SYN3: variants seen among roughly 807,000 people sequenced by gnomAD.
SYN3 encodes synapsin III.
Under a neutral mutation model 65.8 loss-of-function variants are expected in SYN3, and 35 were observed. That is an observed-to-expected ratio of 0.53 (90% CI 0.41 to 0.70). The LOEUF (loss-of-function observed/expected upper bound fraction) is 0.70. Among genes scored for constraint, SYN3 ranks in the 30% least tolerant of loss-of-function variants. The probability of loss-of-function intolerance (pLI) is 0.00; values close to 1 mark genes in which losing one functional copy is unlikely to be tolerated. For synonymous variants in SYN3, 270 were observed against 292.9 expected (o/e 0.92, Z 0.80); for missense variants, 680 against 749.0 (o/e 0.91, Z 1.08).
chr22:32,635,797 A>G (rs1027400384), intron 6 of SYN3, among the ~76,000 whole-genome samples: 1 of 152,206 alleles, frequency 6.6e-6, no homozygotes, highest in African/African-American at 2.4e-5. Flanking sequence ...AAATTTCCCG[A>G]ATCTCCCAAA....
At chr22:32,731,001 G>A (rs1196346637) in intron 6 of SYN3, among the ~76,000 whole-genome samples, 1 of 152,066 alleles carries the variant, frequency 6.6e-6, no homozygotes, top group Non-Finnish European at 1.5e-5. Flanking sequence ...CAGATTGCAC[G>A]GTCCCAGAGT....
intron 6 of SYN3, among the ~76,000 whole-genome samples, chr22:32,694,083 T>G (rs1014701443): frequency 2.6e-5 from 4 of 152,000 alleles, no homozygotes; most frequent in Non-Finnish European, 5.9e-5. Context: ...AGCTATTTAT[T>G]TATTTATTTA....
At chr22:32,878,579 C>T (rs1321538797) in intron 4 of SYN3, among the ~76,000 whole-genome samples, 1 of 152,182 alleles carries the variant, frequency 6.6e-6, no homozygotes, top group Non-Finnish European at 1.5e-5. Context: ...AAGCAGGTAC[C>T]ACCATGGTTG....
At chr22:32,819,345 G>A (rs1303461514) in intron 6 of SYN3, among the ~76,000 whole-genome samples, 1 of 152,224 alleles carries the variant, frequency 6.6e-6, no homozygotes, top group Non-Finnish European at 1.5e-5. Flanking sequence ...TGCTGGTGAG[G>A]TCCTGCGGTC....
At position 32,855,669 on chromosome 22, in the gene SYN3, C is replaced by T. The variant is rs895009016; in HGVS notation, c.711+9246G>A. 5.3e-5 allele frequency among the ~76,000 whole-genome samples: 8 copies of T among 152,162 alleles called. No individual in the cohort carries two copies. In the East Asian group the frequency reaches 5.8e-4, roughly 11 times the overall value. On this transcript the variant is annotated intron_variant, in intron 6 of 13. Coordinates refer to ENST00000358763, the MANE Select transcript of SYN3 (RefSeq NM_003490.4). ...CCTCAGTACCATTGACATTTGGGGC[C>T]GGATAATTCTTTGTTCTGGGGGCTG...
rs984874284 is a variant in SYN3, at chr22:32,510,902, C to T, written c.*2790G>A. ...GGGGAAGCCATTCTCCTCTTGAAGC[C>T]GGTTATCAGAGAACTATGAACTCAT... On this transcript the variant is annotated 3_prime_UTR_variant, in exon 14 of 14. Transcript: ENST00000358763. 3.3e-5 allele frequency among the ~76,000 whole-genome samples: 5 copies of T among 150,166 alleles called. No individual in the cohort carries two copies. The highest frequency in any genetic ancestry group is 5.9e-5 in the Non-Finnish European group (4 of 67,960).
chr22:32,958,369 T>C (rs964743908), intron 3 of SYN3, among the ~76,000 whole-genome samples: 4 of 152,150 alleles, frequency 2.6e-5, no homozygotes, highest in African/African-American at 9.7e-5. Context: ...CACACTTGAG[T>C]GGTAGCAATA....
rs141754824 is a variant in SYN3 at position 32,553,317 on chromosome 22, T to C, written c.775-11604A>G. Among the ~76,000 whole-genome samples the C allele has an allele frequency of 1.2e-3, 178 of 152,348 alleles. 1 individual carries two copies. Among genetic ancestry groups the C allele is most frequent in the African/African-American group, 4.2e-3 (173 of 41,584 alleles). On this transcript the variant is annotated intron_variant, in intron 7 of 13. Coordinates refer to ENST00000358763, the MANE Select transcript of SYN3 (RefSeq NM_003490.4). ...GCCAATAAATGCAATGCAGTGATCA[T>C]TTTGATCCGTTTTTAAATAAAGCTT...
In SYN3 at chr22:32,975,193, G is replaced by C. The variant is rs562899876; in HGVS notation, c.369+5452C>G. 1.7e-3 allele frequency among the ~76,000 whole-genome samples: 258 copies of C among 152,144 alleles called. 2 individuals carry two copies. The highest frequency in any genetic ancestry group is 5.9e-3 in the African/African-American group (246 of 41,502). On this transcript the variant is annotated intron_variant, in intron 3 of 13. Coordinates refer to ENST00000358763, the MANE Select transcript of SYN3 (RefSeq NM_003490.4). ...AGATTGAGACCATCCTGGCCAACATGGTGAAACCCTGTCTTTACTAAAAGT... is the reference window on the plus strand; with the variant it reads ...AGATTGAGACCATCCTGGCCAACATCGTGAAACCCTGTCTTTACTAAAAGT...
At chr22:32,522,704 C>T (rs913819036) in intron 12 of SYN3, among the ~76,000 whole-genome samples, 1 of 152,166 alleles carries the variant, frequency 6.6e-6, no homozygotes, top group African/African-American at 2.4e-5. Flanking sequence ...CTGACACCTT[C>T]TACGCACTAT....
intron 7 of SYN3, among the ~76,000 whole-genome samples, chr22:32,573,663 G>A (rs1030286935): frequency 6.6e-6 from 1 of 151,408 alleles, no homozygotes; most frequent in Non-Finnish European, 1.5e-5. Flanking sequence ...GTTCACTCAT[G>A]TTTTGAAAGA....
chr22:33,027,185 A>C (rs1269184211), intron 1 of SYN3, among the ~76,000 whole-genome samples: 2 of 152,158 alleles, frequency 1.3e-5, no homozygotes, highest in African/African-American at 4.8e-5. Flanking sequence ...GGACCTATAA[A>C]GTGCAAAACA....
At chr22:32,691,412 G>C (rs1441329006) in intron 6 of SYN3, among the ~76,000 whole-genome samples, 2 of 152,124 alleles carry the variant, frequency 1.3e-5, no homozygotes, top group Non-Finnish European at 2.9e-5. Flanking sequence ...CAGGGACATG[G>C]GCTGCCTTTA....
At position 32,511,151 on chromosome 22, in the gene SYN3, G is replaced by A. The variant is rs150393932; in HGVS notation, c.*2541C>T. On this transcript the variant is annotated 3_prime_UTR_variant, in exon 14 of 14. Coordinates refer to ENST00000358763, the MANE Select transcript of SYN3 (RefSeq NM_003490.4). Reference sequence around the variant, plus strand: ...TCTGATATTTTGAATTTCACCTCCCGTCTCTTTTCCCTATGCCCCACTTGG... The same window carrying A: ...TCTGATATTTTGAATTTCACCTCCCATCTCTTTTCCCTATGCCCCACTTGG... 1.4e-3 allele frequency among the ~76,000 whole-genome samples: 211 copies of A among 152,106 alleles called. 2 individuals are homozygous for A. Among genetic ancestry groups the A allele is most frequent in the African/African-American group, 4.7e-3 (195 of 41,490 alleles).
chr22:32,876,616 C>T (rs1187973671), intron 4 of SYN3, among the ~76,000 whole-genome samples: 8 of 148,186 alleles, frequency 5.4e-5, no homozygotes, highest in African/African-American at 1.5e-4. Context: ...AAAAAGAGCA[C>T]AGAGCATTTT....
intron 6 of SYN3, among the ~76,000 whole-genome samples, chr22:32,843,964 C>T (rs1055040156): frequency 4.6e-5 from 7 of 152,016 alleles, no homozygotes; most frequent in African/African-American, 1.7e-4. Flanking sequence ...GGTATCTCAC[C>T]TGCTAGATAG....
At chr22:32,846,916 T>G (rs2048080915) in intron 6 of SYN3, among the ~76,000 whole-genome samples, 3 of 152,216 alleles carry the variant, frequency 2.0e-5, no homozygotes, top group African/African-American at 7.2e-5. Flanking sequence ...GCTCAGGCTA[T>G]TTGGGGTAAG....
intron 4 of SYN3, among the ~76,000 whole-genome samples, chr22:32,891,546 C>T (rs1169732654): frequency 1.3e-5 from 2 of 152,166 alleles, no homozygotes; most frequent in Admixed American, 1.3e-4. Context: ...GATTTCTTTG[C>T]AAATGATAAT....
chr22:33,024,487 G>T (rs570900416), intron 1 of SYN3, among the ~76,000 whole-genome samples: 169 of 80,018 alleles, frequency 2.1e-3, no homozygotes, highest in African/African-American at 9.8e-3. Context: ...TGGGACACTT[G>T]TCCCCTAGGG....
Sources: gnomAD v4.1 joint callset for allele counts (sites outside exome capture counted in the v4.1 genomes callset) on GRCh38, gnomAD v4.1.1 for gene constraint, MANE v1.5 for transcripts, NCBI Gene and HGNC (gene_info 2026-07-23, HGNC 2026-07-21) for gene names.